Variants in XIRP2 observed in about 807,000 individuals in gnomAD.
XIRP2 encodes the protein xin actin-binding repeat-containing protein 2.
A neutral mutation model predicts 277.0 loss-of-function variants in XIRP2; 236 were observed. That is an observed-to-expected ratio of 0.85 (90% CI 0.77 to 0.95). The LOEUF (loss-of-function observed/expected upper bound fraction) is 0.95. XIRP2 is among the 40% of genes least tolerant of loss of function. XIRP2 has a pLI of 0.00. For synonymous variants in XIRP2, 1,490 were observed against 1,416.5 expected (o/e 1.05, Z -1.17); for missense variants, 4,640 against 4,157.5 (o/e 1.12, Z -3.19).
chr2:167,102,752 G>A (rs1303343053), intron 2 of XIRP2, among the ~76,000 whole-genome samples: 2 of 152,090 alleles, frequency 1.3e-5, no homozygotes, highest in African/African-American at 4.8e-5. Context: ...TTTGCACATG[G>A]ATTTATCAGT....
chr2:167,082,655 G>A (rs1689772529), intron 2 of XIRP2, among the ~76,000 whole-genome samples: 1 of 152,168 alleles, frequency 6.6e-6, no homozygotes, highest in Non-Finnish European at 1.5e-5. Context: ...GTGTGAGATG[G>A]TATCTCATTG....
In XIRP2 at chr2:167,241,984, T is replaced by G. The variant is rs902184586; in HGVS notation, c.1176+74T>G. The G allele has an allele frequency of 1.0e-5, 15 of 1,456,724 alleles. No individual in the cohort carries two copies. In the Admixed American group the frequency reaches 3.5e-4, roughly 34 times the overall value. 90.2% of individuals were successfully genotyped at this position (1,456,724 alleles called of 1,614,324 possible). A position where few individuals can be genotyped will look rare whatever the true frequency, so the allele number is the denominator to read the frequency against. ...TAAATGTGTAACATTTTCAAATTAT[T>G]GAATACTTGAGGTGGCTTTTCAACA... On this transcript the variant is annotated intron_variant, in intron 8 of 10. Transcript: ENST00000409195.
intron 3 of XIRP2, among the ~76,000 whole-genome samples, chr2:167,201,256 A>AAGAGAGAGGG (rs1326695017): frequency 2.0e-5 from 2 of 101,278 alleles, no homozygotes; most frequent in African/African-American, 8.0e-5. Flanking sequence ...GAAAGAAAGA[A>AAGAGAGAGGG]AGAAAGAGAG....
intron 2 of XIRP2, among the ~76,000 whole-genome samples, chr2:166,955,824 T>C (rs1318156030): frequency 6.6e-6 from 1 of 151,634 alleles, no homozygotes; most frequent in African/African-American, 2.4e-5. Flanking sequence ...GCTTTTTTTT[T>C]TTCTTTTTGG....
chr2:167,109,574 C>G (rs967576096), intron 2 of XIRP2, among the ~76,000 whole-genome samples: 1 of 152,206 alleles, frequency 6.6e-6, no homozygotes, highest in Non-Finnish European at 1.5e-5. Flanking sequence ...AGCCACTGTG[C>G]CCTGGCCAAC....
intron 2 of XIRP2, among the ~76,000 whole-genome samples, chr2:167,129,592 G>T (rs899049833): frequency 6.6e-6 from 1 of 151,932 alleles, no homozygotes; most frequent in Non-Finnish European, 1.5e-5. Context: ...ATATATATAA[G>T]TAAGAAAGAA....
chr2:167,256,906 T>C (rs1695672507), intron 10 of XIRP2, among the ~76,000 whole-genome samples: 1 of 151,944 alleles, frequency 6.6e-6, no homozygotes, highest in African/African-American at 2.4e-5. Flanking sequence ...ATCTTGATTC[T>C]ACTCTCCTAT....
chr2:167,179,586 C>T (rs111364863), intron 3 of XIRP2, among the ~76,000 whole-genome samples: 16,171 of 151,530 alleles, frequency 0.11, 1,805 homozygotes, highest in African/African-American at 0.29. Context: ...TCCCAAAGTG[C>T]TGGGATTACA....
chr2:167,002,456 A>G (rs1267163443), intron 2 of XIRP2, among the ~76,000 whole-genome samples: 1 of 151,960 alleles, frequency 6.6e-6, no homozygotes, highest in Non-Finnish European at 1.5e-5. Context: ...TAATATCTAT[A>G]CTCTTTGCTT....
At chr2:167,041,754 A>G (rs939585853) in intron 2 of XIRP2, among the ~76,000 whole-genome samples, 10 of 152,182 alleles carry the variant, frequency 6.6e-5, no homozygotes, top group African/African-American at 1.9e-4. Context: ...GCACGTGTGC[A>G]ACTTGGAAAA....
At chr2:167,029,856 G>T (rs758845722) in intron 2 of XIRP2, among the ~76,000 whole-genome samples, 14 of 152,204 alleles carry the variant, frequency 9.2e-5, no homozygotes, top group Admixed American at 1.3e-4. Context: ...TGGTTGGTAG[G>T]CTATTAATTA....
intron 2 of XIRP2, among the ~76,000 whole-genome samples, chr2:167,062,678 G>C (rs1689201995): frequency 6.6e-6 from 1 of 152,056 alleles, no homozygotes; most frequent in Non-Finnish European, 1.5e-5. Flanking sequence ...TTACTACGAT[G>C]TCTATACCTT....
chr2:166,930,177 G>A (rs1685291668), intron 2 of XIRP2, among the ~76,000 whole-genome samples: 2 of 152,064 alleles, frequency 1.3e-5, no homozygotes, highest in Admixed American at 1.3e-4. Flanking sequence ...TTAACATAAG[G>A]CACTTCCATT....
At chr2:167,034,755 C>T (rs145077879) in intron 2 of XIRP2, among the ~76,000 whole-genome samples, 11 of 152,230 alleles carry the variant, frequency 7.2e-5, no homozygotes, top group East Asian at 3.9e-4. Context: ...TAAATATTTA[C>T]GCACCCAATG....
intron 3 of XIRP2, among the ~76,000 whole-genome samples, chr2:167,148,851 A>G (rs16853052): frequency 0.1 from 15,192 of 152,196 alleles, 822 homozygotes; most frequent in South Asian, 0.15. Flanking sequence ...ACTGAGACTG[A>G]GAACAAAGTG....
intron 2 of XIRP2, among the ~76,000 whole-genome samples, chr2:167,113,860 C>G (rs554379832): frequency 5.9e-5 from 9 of 152,226 alleles, no homozygotes; most frequent in African/African-American, 2.2e-4. Context: ...ACAGCATTTG[C>G]TTATCTGAAA....
Position 167,249,962 on chromosome 2 carries a change from TTA to T in XIRP2, c.8572_8573del (p.Ile2858ArgfsTer5), listed in dbSNP as rs1695420028. ...GCACCAAAGGTCGTCAAGCAAAAGGTTATCGATGCACATCTTGATTCACAGAC... is the reference window on the plus strand; with the variant it reads ...GCACCAAAGGTCGTCAAGCAAAAGGTTCGATGCACATCTTGATTCACAGAC... On this transcript the variant is annotated frameshift_variant, in exon 9 of 11. Transcript: ENST00000409195. LOFTEE classifies it high-confidence loss of function. 9.9e-6 allele frequency: 16 copies of T among 1,613,568 alleles called. No homozygotes were observed. The highest frequency in any genetic ancestry group is 1.3e-5 in the Non-Finnish European group (15 of 1,179,704).
intron 2 of XIRP2, among the ~76,000 whole-genome samples, chr2:167,044,420 TA>T (rs1254367304): frequency 6.6e-6 from 1 of 151,928 alleles, no homozygotes; most frequent in Non-Finnish European, 1.5e-5. Flanking sequence ...CAGTCCTCAC[TA>T]GAGCAATCAG....
chr2:167,014,345 G>T (rs1332252794), intron 2 of XIRP2, among the ~76,000 whole-genome samples: 1 of 151,528 alleles, frequency 6.6e-6, no homozygotes, highest in African/African-American at 2.4e-5. Flanking sequence ...ACAATAACTA[G>T]CAAGCTCAAC....
Sources: allele counts gnomAD v4.1 joint callset (sites outside exome capture counted in the v4.1 genomes callset), GRCh38; gene constraint gnomAD v4.1.1; transcripts MANE v1.5; gene names NCBI Gene and HGNC (gene_info 2026-07-23, HGNC 2026-07-21).